JARID2: variants seen among roughly 807,000 people sequenced by gnomAD.
The protein encoded by JARID2 is protein Jumonji.
A neutral mutation model predicts 125.6 loss-of-function variants in JARID2; 21 were observed. That is an observed-to-expected ratio of 0.17 (90% CI 0.12 to 0.24). JARID2 has a LOEUF of 0.24. Among genes scored for constraint, JARID2 ranks in the 10% least tolerant of loss-of-function variants. The probability of loss-of-function intolerance (pLI) is 1.00; values close to 1 mark genes in which losing one functional copy is unlikely to be tolerated. For missense variants in JARID2, 1,303 were observed against 1,639.6 expected (o/e 0.79, Z 3.55); for synonymous variants, 736 against 661.6 (o/e 1.11, Z -1.73).
chr6:15,339,802 T>C (rs1476290602), intron 1 of JARID2, among the ~76,000 whole-genome samples: 1 of 152,138 alleles, frequency 6.6e-6, no homozygotes, highest in Non-Finnish European at 1.5e-5. Flanking sequence ...CCCAAAGTGG[T>C]GGGATTACAG....
intron 2 of JARID2, among the ~76,000 whole-genome samples, chr6:15,388,768 G>A (rs1436736278): frequency 1.3e-5 from 2 of 151,868 alleles, no homozygotes; most frequent in Non-Finnish European, 1.5e-5. Context: ...CTTATGCCCC[G>A]CATGCTTTCA....
chr6:15,380,282 AC>A (rs1764530263), intron 2 of JARID2, among the ~76,000 whole-genome samples: 1 of 152,082 alleles, frequency 6.6e-6, no homozygotes, highest in Admixed American at 6.6e-5. Flanking sequence ...TGATCTGCCC[AC>A]GTCGGCTTCC....
intron 9 of JARID2, among the ~76,000 whole-genome samples, chr6:15,506,458 G>A (rs1291394059): frequency 6.6e-6 from 1 of 152,254 alleles, no homozygotes; most frequent in African/African-American, 2.4e-5. Context: ...AGCTTAACTG[G>A]ACCCTATGAT....
At chr6:15,423,572 GA>G (rs759287509) in intron 3 of JARID2, among the ~76,000 whole-genome samples, 1 of 152,158 alleles carries the variant, frequency 6.6e-6, no homozygotes, top group South Asian at 2.1e-4. Context: ...TGTGTGGGTA[GA>G]TTTGTGTGGC....
chr6:15,435,007 G>A (rs955990777), intron 3 of JARID2, among the ~76,000 whole-genome samples: 1 of 152,202 alleles, frequency 6.6e-6, no homozygotes, highest in Non-Finnish European at 1.5e-5. Context: ...ACACTCAAAT[G>A]TTAGTTTCAA....
intron 2 of JARID2, among the ~76,000 whole-genome samples, chr6:15,406,928 C>T (rs1415566979): frequency 2.6e-5 from 4 of 151,984 alleles, no homozygotes; most frequent in African/African-American, 9.7e-5. Flanking sequence ...TGACATTTTG[C>T]AGGCAAGTGT....
chr6:15,457,478 G>A (rs1020524653), intron 4 of JARID2, among the ~76,000 whole-genome samples: 2 of 152,198 alleles, frequency 1.3e-5, no homozygotes, highest in Non-Finnish European at 2.9e-5. Context: ...CGAGCACTGT[G>A]AGGGGTAAAG....
intron 1 of JARID2, among the ~76,000 whole-genome samples, chr6:15,341,747 C>G (rs905763552): frequency 6.6e-6 from 1 of 151,926 alleles, no homozygotes; most frequent in Non-Finnish European, 1.5e-5. Flanking sequence ...GAGTAGTGCC[C>G]GCTTAAGGGC....
chr6:15,465,409 C>T (rs1451765803), intron 4 of JARID2, among the ~76,000 whole-genome samples: 1 of 152,208 alleles, frequency 6.6e-6, no homozygotes, highest in East Asian at 1.9e-4. Context: ...CATGATCACA[C>T]CACTGCATTC....
rs375600114 is a variant in JARID2, at chr6:15,496,842, G to C, written c.1617G>C (p.Ser539=). ...QPESVHKPQD[S]GKAEKGGGKA... ...AGTCCGTGCACAAGCCGCAGGACTC[G>C]GGCAAGGCCGAGAAGGGCGGCGGCA... Residue 539 remains serine, a synonymous_variant, in exon 7 of 18, where the codon TCG becomes TCC. Transcript: ENST00000341776. The C allele has an allele frequency of 1.2e-6, 2 of 1,602,058 alleles. No individual in the cohort carries two copies. Among genetic ancestry groups the C allele is most frequent in the African/African-American group, 1.3e-5 (1 of 74,776 alleles).
intron 6 of JARID2, among the ~76,000 whole-genome samples, chr6:15,487,822 C>G (rs1769955844): frequency 6.6e-6 from 1 of 151,186 alleles, no homozygotes; most frequent in Non-Finnish European, 1.5e-5. Flanking sequence ...ACCCACCCAC[C>G]CTGGGCTCCA....
chr6:15,366,902 T>C (rs1320464040), intron 1 of JARID2, among the ~76,000 whole-genome samples: 6 of 152,212 alleles, frequency 3.9e-5, no homozygotes, highest in African/African-American at 9.6e-5. Flanking sequence ...CTGCTATGTC[T>C]ATGTTATATT....
intron 3 of JARID2, among the ~76,000 whole-genome samples, chr6:15,410,887 T>C (rs868640698): frequency 4.6e-5 from 7 of 152,180 alleles, no homozygotes; most frequent in Admixed American, 2.6e-4. Flanking sequence ...AGCAGTTATT[T>C]TTATGTGGCT....
intron 1 of JARID2, among the ~76,000 whole-genome samples, chr6:15,307,420 G>T (rs1173115165): frequency 6.6e-6 from 1 of 151,992 alleles, no homozygotes; most frequent in Non-Finnish European, 1.5e-5. Flanking sequence ...ATGGGGTTTT[G>T]CCATGTTGCC....
At chr6:15,381,293 ATCGTGCCACTGCAATCCAGC>A (rs1764575073) in intron 2 of JARID2, among the ~76,000 whole-genome samples, 1 of 146,882 alleles carries the variant, frequency 6.8e-6, no homozygotes, top group South Asian at 2.2e-4. Context: ...AGTGAGCCAG[ATCGTGCCACTGCAATCCAGC>A]TGGGGCGACA....
intron 1 of JARID2, among the ~76,000 whole-genome samples, chr6:15,363,774 C>CT (rs1763880370): frequency 6.6e-6 from 1 of 152,144 alleles, no homozygotes; most frequent in Non-Finnish European, 1.5e-5. Context: ...GTGGGAAATG[C>CT]TTTTTGGAGG....
intron 2 of JARID2, among the ~76,000 whole-genome samples, chr6:15,392,075 TGTGC>T (rs70996541): frequency 0.27 from 15,757 of 59,164 alleles, 1,053 homozygotes; most frequent in South Asian, 0.39. Context: ...TGTGTGTGTG[TGTGC>T]GTGTCTGGAG....
At chr6:15,426,797 G>A (rs543451788) in intron 3 of JARID2, among the ~76,000 whole-genome samples, 32 of 152,302 alleles carry the variant, frequency 2.1e-4, no homozygotes, top group South Asian at 2.1e-3. Context: ...TTACAAGGAG[G>A]TCAGGAGATT....
At chr6:15,368,870 A>G in intron 1 of JARID2, 1 of 361,784 alleles carries the variant, frequency 2.8e-6, no homozygotes, top group Non-Finnish European at 5.6e-6. Context: ...TGCAGAGCAG[A>G]GCTTCTGAAA....
Sources: allele counts gnomAD v4.1 joint callset (sites outside exome capture counted in the v4.1 genomes callset), GRCh38; gene constraint gnomAD v4.1.1; transcripts MANE v1.5; gene names NCBI Gene and HGNC (gene_info 2026-07-23, HGNC 2026-07-21).